SHANK1: variants seen among roughly 807,000 people sequenced by gnomAD.
SHANK1 encodes the protein SH3 and multiple ankyrin repeat domains protein 1.
SHANK1 carries 35 observed loss-of-function variants against 165.6 expected under a neutral mutation model. The observed-to-expected ratio is 0.21, with a 90% CI of 0.16 to 0.28. SHANK1 has a LOEUF of 0.28. Among genes scored for constraint, SHANK1 ranks in the 10% least tolerant of loss-of-function variants. The probability of loss-of-function intolerance (pLI) is 1.00; values close to 1 mark genes in which losing one functional copy is unlikely to be tolerated. For synonymous variants in SHANK1, 1,428 were observed against 1,384.8 expected, an observed-to-expected ratio of 1.03 and a Z score of -0.69; for missense variants, 2,681 against 3,036.4, an observed-to-expected ratio of 0.88 and a Z score of 2.75.
At chr19:50,684,282 A>G (rs796148380) in intron 21 of SHANK1, among the ~76,000 whole-genome samples, 22 of 152,018 alleles carry the variant, frequency 1.4e-4, no homozygotes, top group Middle Eastern at 3.4e-3. Context: ...CTGGAGTGCA[A>G]TGGTGCGATC....
Position 50,713,926 on chromosome 19 carries a change from G to C in SHANK1, c.664C>G (p.Gln222Glu). 6.2e-7 allele frequency: 1 copy of C among 1,613,822 alleles called. No homozygotes were observed. Among genetic ancestry groups the C allele is most frequent in the Non-Finnish European group, 8.5e-7 (1 of 1,179,890 alleles). ...ATCACCTCTACAGAGCCTTCGGTCT[G>C]GGCCGCCAGTGTCAAGGGGGTCTCT... ...SGETPLTLAA[Q>E]TEGSVEVIRT... is the part of the protein sequence containing the mutation. The change falls in exon 6 of 24, where the codon CAG becomes GAG. Residue 222 changes from glutamine (Q) to glutamate (E), a missense_variant. Physicochemically the swap from Gln to Glu is conservative, Grantham distance 29. Around this residue, in one of 10 missense-constraint regions of SHANK1, gnomAD observed 189 missense variants for 440.9 expected, o/e 0.43. Coordinates refer to ENST00000293441, the MANE Select transcript of SHANK1 (RefSeq NM_016148.5). The surrounding 1 kb of genome is among the most constrained non-coding windows in gnomAD (Gnocchi z 6.2).
intron 8 of SHANK1, among the ~76,000 whole-genome samples, chr19:50,707,871 G>C (rs914964062): frequency 3.5e-5 from 5 of 142,652 alleles, no homozygotes; most frequent in Admixed American, 7.1e-5. Flanking sequence ...GTGTACTTTT[G>C]CGTGTTTTTC....
At position 50,697,961 on chromosome 19, in the gene SHANK1, A is replaced by G; in HGVS notation, c.1748-5T>C. On this transcript the variant is annotated splice_polypyrimidine_tract_variant and splice_region_variant and intron_variant, in intron 12 of 23. Transcript: ENST00000293441. This position sits in a 1 kb window ranked among gnomAD's most constrained non-coding sequence, Gnocchi z 4.7. ...CTCCTTCCCCGATGCTAAGTACTGG[A>G]TGGGGAACGGGGACATAGAGACATT... The G allele has an allele frequency of 6.3e-7, 1 of 1,598,166 alleles. No homozygotes were observed. Among genetic ancestry groups the G allele is most frequent in the South Asian group, 1.1e-5 (1 of 90,562 alleles).
In SHANK1 at chr19:50,711,538, C is replaced by T. The variant is rs186106483; in HGVS notation, c.961-51G>A. 24 of 1,354,832 alleles carry T rather than the reference C, an allele frequency of 1.8e-5. No homozygotes were observed. The African/African-American group carries it at 3.3e-4, about 19-fold the overall frequency. The allele number at this position is 1,354,832 out of a possible 1,614,324, so 83.9% of individuals were successfully genotyped here. A position where few individuals can be genotyped will look rare whatever the true frequency, so the allele number is the denominator to read the frequency against. On this transcript the variant is annotated intron_variant, in intron 7 of 23. Coordinates refer to ENST00000293441, the MANE Select transcript of SHANK1 (RefSeq NM_016148.5). Reference sequence around the variant, plus strand: ...ATGGATCAGACCCAGGCTGTTCTCCCTCTGGGCCAAGAGTCTGTCTATGAC... The same window carrying T: ...ATGGATCAGACCCAGGCTGTTCTCCTTCTGGGCCAAGAGTCTGTCTATGAC...
In SHANK1 at chr19:50,668,976, G is replaced by C; in HGVS notation, c.2984C>G (p.Pro995Arg). ...KSLYHSGPLPPAHHHPPHHHH... is the reference protein window; with the variant it reads ...KSLYHSGPLPRAHHHPPHHHH... ...GTGGTGGGGCGGGTGGTGGTGGGCC[G>C]GGGGCAGGGGCCCACTGTGGTACAG... The change falls in exon 23 of 24, where the codon CCG becomes CGG. Residue 995 changes from proline (P) to arginine (R), a missense_variant. Transcript: ENST00000293441. The C allele has an allele frequency of 1.6e-6, 1 of 632,648 alleles. No individual in the cohort carries two copies. Among genetic ancestry groups the C allele is most frequent in the Non-Finnish European group, 2.5e-6 (1 of 392,606 alleles). The allele number at this position is 632,648 out of a possible 1,614,324, so 39.2% of individuals were successfully genotyped here.
At position 50,688,710 on chromosome 19, in the gene SHANK1, G is replaced by A. The variant is rs955524957; in HGVS notation, c.2172+134C>T. 9 of 762,614 alleles carry A rather than the reference G, an allele frequency of 1.2e-5. No individual in the cohort carries two copies. Among genetic ancestry groups the A allele is most frequent in the South Asian group, 1.9e-5 (1 of 53,998 alleles). 47.2% of individuals were successfully genotyped at this position (762,614 alleles called of 1,614,324 possible). ...TCGCTGGGGAAAGCAGAGGCTGGCT[G>A]GGGGGTGGGCAGGGGGCTGGGAATC... On this transcript the variant is annotated intron_variant, in intron 17 of 23. Coordinates refer to ENST00000293441, the MANE Select transcript of SHANK1 (RefSeq NM_016148.5). The surrounding 1 kb of genome is among the most constrained non-coding windows in gnomAD (Gnocchi z 6.7).
At chr19:50,689,445 GCCCTGA>G in intron 15 of SHANK1, 166 bp from the exon 16 acceptor site, 3 of 708,868 alleles carry the variant, frequency 4.2e-6, no homozygotes, top group South Asian at 3.0e-5. Flanking sequence ...GTGTATGCTA[GCCCTGA>G]TGGGCTTCCC....
intron 21 of SHANK1, among the ~76,000 whole-genome samples, chr19:50,676,920 C>T (rs1419657835): frequency 6.6e-6 from 1 of 152,126 alleles, no homozygotes; most frequent in African/African-American, 2.4e-5. Flanking sequence ...GCAAGGTGCC[C>T]TCTTTTGCCC....
At chr19:50,687,544 C>T (rs375550980) in intron 19 of SHANK1, 38 bp downstream of exon 19, 3 of 1,509,274 alleles carry the variant, frequency 2.0e-6, no homozygotes, top group South Asian at 2.5e-5. Context: ...TTCCCCTCTC[C>T]CCCCGGCCCC....
At chr19:50,687,256 A>G (rs1292754745) in intron 19 of SHANK1, among the ~76,000 whole-genome samples, 3 of 135,100 alleles carry the variant, frequency 2.2e-5, no homozygotes, top group African/African-American at 8.5e-5. Flanking sequence ...GGTTGGGGGG[A>G]GCTGGTGGAG....
At chr19:50,666,056 G>T in intron 23 of SHANK1, 136 bp downstream of exon 23, 7 of 717,436 alleles carry the variant, frequency 9.8e-6, no homozygotes, top group South Asian at 2.5e-5. Flanking sequence ...AAATATTTGT[G>T]AAAGCATGCT....
In SHANK1 at chr19:50,716,791, C is replaced by T. The variant is rs757161716; in HGVS notation, c.129G>A (p.Gln43=). Residue 43 remains glutamine (Q), a synonymous_variant, in exon 2 of 24, where the codon CAG becomes CAA. Coordinates refer to ENST00000293441, the MANE Select transcript of SHANK1 (RefSeq NM_016148.5). The surrounding 1 kb of genome is among the most constrained non-coding windows in gnomAD (Gnocchi z 8.4). ...PGRGPRGTRG[Q]GSGAPGSLAS... ...CCAGGCTACCAGGTGCCCCACTGCCCTGGCCCCGGGTCCCCCGGGGGCCTC... is the reference window on the plus strand; with the variant it reads ...CCAGGCTACCAGGTGCCCCACTGCCTTGGCCCCGGGTCCCCCGGGGGCCTC... 8.7e-6 allele frequency: 14 copies of T among 1,601,120 alleles called. No homozygotes were observed. In the South Asian group the frequency reaches 1.6e-4, roughly 18 times the overall value.
intron 4 of SHANK1, among the ~76,000 whole-genome samples, chr19:50,714,716 G>T (rs965061147): frequency 6.6e-5 from 10 of 151,794 alleles, no homozygotes; most frequent in African/African-American, 1.9e-4. Context: ...AAAAATCAGG[G>T]TGGTTGGGGG....
chr19:50,667,048 C>T lies in SHANK1; in HGVS notation c.4912G>A (p.Ala1638Thr). 6.5e-7 allele frequency: 1 copy of T among 1,547,128 alleles called. No individual in the cohort carries two copies. Among genetic ancestry groups the T allele is most frequent in the Non-Finnish European group, 8.7e-7 (1 of 1,150,784 alleles). ...TGGGGGTCCCCAGGAGCGGCGGAGGCCCCCTGGGTCAGGGTGGCCACCTCG... is the reference window on the plus strand; with the variant it reads ...TGGGGGTCCCCAGGAGCGGCGGAGGTCCCCTGGGTCAGGGTGGCCACCTCG... Reference protein sequence around the residue: ...DSEVATLTQGASAAPGDPHPP... With the variant: ...DSEVATLTQGTSAAPGDPHPP... The change falls in exon 23 of 24, where the codon GCC (alanine) becomes ACC (threonine). Residue 1638 changes from alanine to threonine, a missense_variant. Physicochemically the swap from Ala to Thr is moderately conservative, Grantham distance 58 (BLOSUM62 0). This residue lies in a region of SHANK1 where 1,713 missense variants were observed against 1,630.2 expected (regional missense o/e 1.05). Transcript: ENST00000293441. This position sits in a 1 kb window ranked among gnomAD's most constrained non-coding sequence, Gnocchi z 5.7.
Position 50,713,793 on chromosome 19 carries a change from C to G in SHANK1, c.792+5G>C. The G allele has an allele frequency of 6.2e-7, 1 of 1,612,492 alleles. No individual in the cohort carries two copies. On this transcript the variant is annotated splice_donor_5th_base_variant and intron_variant, in intron 6 of 23. Transcript: ENST00000293441. The surrounding 1 kb of genome is among the most constrained non-coding windows in gnomAD (Gnocchi z 6.2). ...GGCGGGGATGGGGGGTCCCCGAAGC[C>G]TCACCGTGAGTGCCAGGCAGTGTCG...
chr19:50,703,058 G>T lies in SHANK1; in HGVS notation c.1554-398C>A, dbSNP rs745446713. On this transcript the variant is annotated intron_variant, in intron 11 of 23. Coordinates refer to ENST00000293441, the MANE Select transcript of SHANK1 (RefSeq NM_016148.5). ...CACTTCCTCGGGACACGCCTGGCTGGCCTTCGCCTCCTTCTCACCCTCCTC... is the reference window on the plus strand; with the variant it reads ...CACTTCCTCGGGACACGCCTGGCTGTCCTTCGCCTCCTTCTCACCCTCCTC... Among the ~76,000 whole-genome samples, 58 of 152,192 alleles carry T rather than the reference G, an allele frequency of 3.8e-4. 1 individual carries two copies. The highest frequency in any genetic ancestry group is 6.8e-4 in the Non-Finnish European group (46 of 67,978).
At chr19:50,699,630 G>A (rs939432821) in intron 12 of SHANK1, among the ~76,000 whole-genome samples, 1 of 152,162 alleles carries the variant, frequency 6.6e-6, no homozygotes, top group Non-Finnish European at 1.5e-5. Context: ...GGAATGGAGG[G>A]GTTGGTATAT....
chr19:50,695,514 G>GC (rs539611864), intron 15 of SHANK1, among the ~76,000 whole-genome samples: 19 of 151,306 alleles, frequency 1.3e-4, no homozygotes, highest in Admixed American at 4.6e-4. Flanking sequence ...TCCGGTCTGG[G>GC]CCCCCCCTTA....
chr19:50,671,523 C>T (rs1421713504), intron 22 of SHANK1, among the ~76,000 whole-genome samples: 2 of 150,756 alleles, frequency 1.3e-5, no homozygotes, highest in Non-Finnish European at 2.9e-5. Flanking sequence ...CAACTGCTAA[C>T]ATACTAGATA....
Sources: gnomAD v4.1 joint callset for allele counts (sites outside exome capture counted in the v4.1 genomes callset) on GRCh38, gnomAD v4.1.1 for gene constraint, gnomAD v4.1.1 regional missense constraint, Gnocchi (gnomAD v3.1) non-coding constraint, MANE v1.5 for transcripts, NCBI Gene and HGNC (gene_info 2026-07-23, HGNC 2026-07-21) for gene names.